Variants in IQSEC1 observed in about 807,000 individuals in gnomAD.
The protein encoded by IQSEC1 is IQ motif and Sec7 domain ArfGEF 1.
A neutral mutation model predicts 91.0 loss-of-function variants in IQSEC1; 31 were observed. The ratio of observed to expected loss-of-function variants is 0.34; its 90% CI spans 0.26 to 0.46. The LOEUF is 0.46. Ranked by LOEUF, IQSEC1 falls within the 20% of genes least tolerant of loss-of-function variation. The pLI, the probability that IQSEC1 is intolerant of heterozygous loss-of-function variation, is 1.00. For missense variants in IQSEC1, 1,388 were observed against 1,575.6 expected, an observed-to-expected ratio of 0.88 and a Z score of 2.02; for synonymous variants, 699 against 662.6, an observed-to-expected ratio of 1.05 and a Z score of -0.84.
intron 1 of IQSEC1, among the ~76,000 whole-genome samples, chr3:12,946,687 CT>C (rs1233979404): frequency 6.6e-6 from 1 of 152,090 alleles, no homozygotes. Flanking sequence ...ATGAAAAAGC[CT>C]TGGGGATTTT....
chr3:13,120,134 G>A lies in IQSEC1; in HGVS notation c.302+43970C>T, dbSNP rs138480415. Among the ~76,000 whole-genome samples the A allele has an allele frequency of 5.7e-3, 863 of 152,304 alleles. 12 individuals are homozygous for A. The highest frequency in any genetic ancestry group is 0.02 in the African/African-American group (817 of 41,570). ...GGCTTGCTGCCAGCGGCTCCCTCCCGGGGAGGAGGCTGCACAGAGCCAGAA... is the reference window on the plus strand; with the variant it reads ...GGCTTGCTGCCAGCGGCTCCCTCCCAGGGAGGAGGCTGCACAGAGCCAGAA... On this transcript the variant is annotated intron_variant, in intron 2 of 15. Coordinates refer to the IQSEC1 transcript ENST00000648114.
At chr3:13,074,162 G>A (rs1374513308), upstream of IQSEC1, among the ~76,000 whole-genome samples, 3 of 152,228 alleles carry the variant, frequency 2.0e-5, no homozygotes, top group Non-Finnish European at 4.4e-5. Flanking sequence ...GAAGAGGGGA[G>A]GCAGGGACCC....
chr3:13,096,864 CTTTTTTT>C (rs71066943), intron 2 of IQSEC1, among the ~76,000 whole-genome samples: 1 of 142,440 alleles, frequency 7.0e-6, no homozygotes, highest in Non-Finnish European at 1.5e-5. Context: ...TTCTTTCTTT[CTTTTTTT>C]TTTTTTTGAA....
intron 1 of IQSEC1, among the ~76,000 whole-genome samples, chr3:13,252,337 C>A (rs1472880653): frequency 6.6e-6 from 1 of 152,168 alleles, no homozygotes; most frequent in Non-Finnish European, 1.5e-5. Flanking sequence ...GGCACCTGCC[C>A]TCGAGATTCA....
intron 1 of IQSEC1, among the ~76,000 whole-genome samples, chr3:13,278,293 A>G (rs1695728851): frequency 6.6e-6 from 1 of 151,140 alleles, no homozygotes; most frequent in South Asian, 2.1e-4. Flanking sequence ...TCCTTTTGCC[A>G]AGGAACTTTG....
At chr3:13,127,813 T>C (rs567625327) in intron 2 of IQSEC1, among the ~76,000 whole-genome samples, 1 of 152,362 alleles carries the variant, frequency 6.6e-6, no homozygotes, top group East Asian at 1.9e-4. Context: ...TCATCTTTTC[T>C]TTCTTTCATC....
At chr3:13,018,944 C>G (rs360847) in intron 1 of IQSEC1, among the ~76,000 whole-genome samples, 31,831 of 152,094 alleles carry the variant, frequency 0.21, 3,719 homozygotes, top group African/African-American at 0.3. Context: ...TCACGTTATC[C>G]CCCTAAGCCC....
chr3:13,178,051 TGA>T (rs1287598062), intron 1 of IQSEC1, among the ~76,000 whole-genome samples: 1 of 152,208 alleles, frequency 6.6e-6, no homozygotes, highest in Admixed American at 6.5e-5. Flanking sequence ...CTGAACACAC[TGA>T]GATACCTGTT....
intron 2 of IQSEC1, among the ~76,000 whole-genome samples, chr3:12,938,233 C>T (rs1698402392): frequency 6.6e-6 from 1 of 152,224 alleles, no homozygotes; most frequent in African/African-American, 2.4e-5. Flanking sequence ...CATCACATCA[C>T]ACCTGGAGGT....
At chr3:13,011,920 A>C (rs2124915785) in intron 1 of IQSEC1, among the ~76,000 whole-genome samples, 1 of 150,868 alleles carries the variant, frequency 6.6e-6, no homozygotes, top group East Asian at 2.0e-4. Context: ...CCAATGAGTG[A>C]GTCTCAAATT....
intron 2 of IQSEC1, among the ~76,000 whole-genome samples, chr3:13,133,126 G>C (rs1196871043): frequency 6.6e-6 from 1 of 152,186 alleles, no homozygotes; most frequent in Non-Finnish European, 1.5e-5. Flanking sequence ...AGGCTAGAGG[G>C]GCCATTCCCA....
rs1559288223 is a variant in IQSEC1 at position 13,259,242 on chromosome 3, G to A, written c.272+23469C>T. On this transcript the variant is annotated intron_variant, in intron 1 of 15. Coordinates refer to the IQSEC1 transcript ENST00000648114. The surrounding 1 kb of genome is among the most constrained non-coding windows in gnomAD (Gnocchi z 4.6). ...CCACTGGAGCAGGACCTGGACAAGA[G>A]GAAGTGCTCTGTAAATAGTTGATGG... 6.6e-6 allele frequency among the ~76,000 whole-genome samples: 1 copy of A among 152,196 alleles called. No individual in the cohort carries two copies. Among genetic ancestry groups the A allele is most frequent in the Non-Finnish European group, 1.5e-5 (1 of 68,004 alleles).
chr3:13,234,886 T>G (rs892470923), intron 1 of IQSEC1, among the ~76,000 whole-genome samples: 1 of 152,226 alleles, frequency 6.6e-6, no homozygotes, highest in Non-Finnish European at 1.5e-5. Flanking sequence ...TCTCCCTGAC[T>G]GTACACACAG....
At position 13,226,468 on chromosome 3, in the gene IQSEC1, C is replaced by A. The variant is rs115968367; in HGVS notation, c.272+56243G>T. 3.0e-3 allele frequency among the ~76,000 whole-genome samples: 461 copies of A among 152,200 alleles called. 2 individuals are homozygous for A. The highest frequency in any genetic ancestry group is 0.011 in the African/African-American group (441 of 41,538). ...CACATCCGGGAACAAAATAAAAATT[C>A]TTGACCCCCCAGGCTGGGCAAGGTG... On this transcript the variant is annotated intron_variant, in intron 1 of 15. Transcript: ENST00000648114.
intron 1 of IQSEC1, among the ~76,000 whole-genome samples, chr3:13,202,006 T>C (rs1236378104): frequency 2.6e-5 from 4 of 152,254 alleles, no homozygotes; most frequent in Non-Finnish European, 5.9e-5. Context: ...CAATCCACAG[T>C]GACACTCCAG....
At chr3:13,217,542 C>T (rs978508160) in intron 1 of IQSEC1, among the ~76,000 whole-genome samples, 1 of 152,148 alleles carries the variant, frequency 6.6e-6, no homozygotes, top group African/African-American at 2.4e-5. Context: ...GAGGGACTTG[C>T]TCTCCAGAAA....
chr3:13,018,336 G>A (rs1031831775), intron 1 of IQSEC1, among the ~76,000 whole-genome samples: 18 of 152,204 alleles, frequency 1.2e-4, no homozygotes, highest in South Asian at 2.1e-4. Flanking sequence ...ATGCAGCCAC[G>A]GTGGGAAGGC....
chr3:13,020,133 G>A (rs902852592), intron 1 of IQSEC1, among the ~76,000 whole-genome samples: 8 of 152,228 alleles, frequency 5.3e-5, no homozygotes, highest in Non-Finnish European at 8.8e-5. Context: ...AGGGGACTCA[G>A]GAAAATCCAG....
intron 1 of IQSEC1, among the ~76,000 whole-genome samples, chr3:13,270,692 T>C (rs1198675031): frequency 6.6e-6 from 1 of 151,960 alleles, no homozygotes; most frequent in African/African-American, 2.4e-5. Flanking sequence ...ACTAGAAAAA[T>C]AGTTAACACA....
Sources: allele counts gnomAD v4.1 joint callset (sites outside exome capture counted in the v4.1 genomes callset), GRCh38; gene constraint gnomAD v4.1.1; non-coding constraint Gnocchi (gnomAD v3.1); transcripts MANE v1.5; gene names NCBI Gene and HGNC (gene_info 2026-07-23, HGNC 2026-07-21).